Variants in PCDH15 observed in about 807,000 individuals in gnomAD.
PCDH15 encodes the protein protocadherin-15.
A neutral mutation model predicts 178.5 loss-of-function variants in PCDH15; 129 were observed. The ratio of observed to expected loss-of-function variants is 0.72; its 90% CI spans 0.63 to 0.84. PCDH15 has a LOEUF of 0.84. Ranked by LOEUF, PCDH15 falls within the 40% of genes least tolerant of loss-of-function variation. PCDH15 has a pLI of 0.00. For missense variants in PCDH15, 2,230 were observed against 2,099.9 expected (o/e 1.06, Z -1.21); for synonymous variants, 800 against 732.0 (o/e 1.09, Z -1.50).
chr10:54,932,788 C>T (rs7902014), intron 2 of PCDH15, among the ~76,000 whole-genome samples: 69 of 152,168 alleles, frequency 4.5e-4, no homozygotes, highest in African/African-American at 1.5e-3. Flanking sequence ...CCACCCGCCT[C>T]GGCCTCCTAA....
intron 2 of PCDH15, among the ~76,000 whole-genome samples, chr10:55,504,918 C>T (rs977022468): frequency 2.0e-5 from 3 of 151,278 alleles, no homozygotes; most frequent in Non-Finnish European, 4.4e-5. Flanking sequence ...CACTTTAGTG[C>T]TTTAGTTCTT....
At chr10:55,196,152 C>T (rs773610429) in intron 1 of PCDH15, among the ~76,000 whole-genome samples, 3 of 151,978 alleles carry the variant, frequency 2.0e-5, no homozygotes, top group Admixed American at 6.6e-5. Context: ...CTCACCTCTG[C>T]TTAGTGTGAT....
intron 2 of PCDH15, among the ~76,000 whole-genome samples, chr10:55,357,147 T>C (rs187082398): frequency 1.3e-5 from 2 of 152,060 alleles, no homozygotes; most frequent in East Asian, 1.9e-4. Context: ...CAGAAAAAGA[T>C]GTAAACAAGT....
chr10:55,332,808 C>G (rs1024432195), intron 2 of PCDH15, among the ~76,000 whole-genome samples: 1 of 152,144 alleles, frequency 6.6e-6, no homozygotes. Flanking sequence ...TAAGACACGC[C>G]TTTCGCCTTC....
intron 2 of PCDH15, among the ~76,000 whole-genome samples, chr10:54,611,150 T>G (rs2134244086): frequency 6.6e-6 from 1 of 151,952 alleles, no homozygotes; most frequent in African/African-American, 2.4e-5. Context: ...TTTTAATAAC[T>G]GTTGAGTATT....
chr10:54,631,785 G>A (rs372448171), intron 2 of PCDH15, among the ~76,000 whole-genome samples: 6 of 152,164 alleles, frequency 3.9e-5, no homozygotes, highest in Middle Eastern at 6.8e-3. Context: ...AATGGGAAGC[G>A]AGGCACCTTT....
intron 25 of PCDH15, among the ~76,000 whole-genome samples, chr10:53,922,437 A>G (rs760938801): frequency 3.3e-5 from 5 of 152,200 alleles, no homozygotes; most frequent in African/African-American, 9.7e-5. Flanking sequence ...AAAGTTGAAG[A>G]TTATAAAGGT....
At chr10:55,621,786 A>G (rs1023242722) in intron 2 of PCDH15, among the ~76,000 whole-genome samples, 1 of 151,626 alleles carries the variant, frequency 6.6e-6, no homozygotes, top group Non-Finnish European at 1.5e-5. Context: ...TTAAGGTGAA[A>G]AAGGGTACAT....
chr10:54,530,946 AG>A (rs1257902102), intron 2 of PCDH15, among the ~76,000 whole-genome samples: 1 of 152,222 alleles, frequency 6.6e-6, no homozygotes, highest in Non-Finnish European at 1.5e-5. Context: ...AGTGCACAAA[AG>A]CATTTTTAAT....
chr10:54,374,196 G>A (rs2134870594), intron 4 of PCDH15, among the ~76,000 whole-genome samples: 1 of 152,118 alleles, frequency 6.6e-6, no homozygotes, highest in Admixed American at 6.6e-5. Context: ...CTAAAGTTAT[G>A]TTGACTGATG....
chr10:55,169,631 T>G (rs1010653878), intron 1 of PCDH15, among the ~76,000 whole-genome samples: 1 of 152,168 alleles, frequency 6.6e-6, no homozygotes, highest in Non-Finnish European at 1.5e-5. Context: ...ATACTTTGAT[T>G]TGTGAAGCCA....
intron 34 of PCDH15, among the ~76,000 whole-genome samples, chr10:53,817,414 A>T (rs751862721): frequency 6.6e-5 from 10 of 151,996 alleles, no homozygotes; most frequent in Non-Finnish European, 1.0e-4. Context: ...AATCTTTAGG[A>T]TCTCAAGCTT....
chr10:55,371,186 A>T (rs1330924421), intron 2 of PCDH15, among the ~76,000 whole-genome samples: 1 of 152,086 alleles, frequency 6.6e-6, no homozygotes, highest in Non-Finnish European at 1.5e-5. Context: ...AAAGGATGAG[A>T]AATTAAACTC....
At chr10:54,373,435 G>A (rs755819549) in intron 4 of PCDH15, among the ~76,000 whole-genome samples, 1 of 151,910 alleles carries the variant, frequency 6.6e-6, no homozygotes, top group South Asian at 2.1e-4. Context: ...TAAAGGAAAT[G>A]GCTGGCCAGA....
intron 8 of PCDH15, among the ~76,000 whole-genome samples, chr10:54,260,404 T>TAAAA (rs2057229348): frequency 8.4e-6 from 1 of 119,504 alleles, no homozygotes; most frequent in African/African-American, 3.0e-5. Context: ...TTAAAAAAAT[T>TAAAA]TATAGAAACT....
At position 54,988,643 on chromosome 10, in the gene PCDH15, G is replaced by T. The variant is rs140987946; in HGVS notation, c.-79-91143C>A. Reference sequence around the variant, plus strand: ...GTGGAATTTTGAACTTCAGAGAGATGATTTAGGGCATCTGGCAGAAGAAAT... The same window carrying T: ...GTGGAATTTTGAACTTCAGAGAGATTATTTAGGGCATCTGGCAGAAGAAAT... On this transcript the variant is annotated intron_variant, in intron 2 of 5. Coordinates refer to the PCDH15 transcript ENST00000458638. Among the ~76,000 whole-genome samples the T allele has an allele frequency of 5.1e-3, 774 of 152,284 alleles. 3 individuals are homozygous for T. The highest frequency in any genetic ancestry group is 0.018 in the African/African-American group (743 of 41,570).
chr10:55,399,068 T>G (rs1837998894), intron 2 of PCDH15, among the ~76,000 whole-genome samples: 1 of 152,154 alleles, frequency 6.6e-6, no homozygotes, highest in Admixed American at 6.5e-5. Flanking sequence ...GAAAAAATGA[T>G]TTTAATTTTA....
chr10:55,525,566 G>A (rs1452375519), intron 2 of PCDH15, among the ~76,000 whole-genome samples: 4 of 151,720 alleles, frequency 2.6e-5, no homozygotes, highest in Non-Finnish European at 5.9e-5. Context: ...TGCTTATAAG[G>A]AAGTCTACTT....
At chr10:54,508,374 C>A (rs2081350593) in intron 3 of PCDH15, among the ~76,000 whole-genome samples, 1 of 151,912 alleles carries the variant, frequency 6.6e-6, no homozygotes, top group Admixed American at 6.6e-5. Context: ...ACTGGGCAAG[C>A]CTCAGTCATA....
Sources: gnomAD v4.1 joint callset for allele counts (sites outside exome capture counted in the v4.1 genomes callset) on GRCh38, gnomAD v4.1.1 for gene constraint, MANE v1.5 for transcripts, NCBI Gene and HGNC (gene_info 2026-07-23, HGNC 2026-07-21) for gene names.